Variants in WDR72 observed in about 807,000 individuals in gnomAD.
The protein encoded by WDR72 is WD repeat domain 72, also known as WD repeat-containing protein 72.
A neutral mutation model predicts 124.2 loss-of-function variants in WDR72; 120 were observed. The ratio of observed to expected loss-of-function variants is 0.97; its 90% CI spans 0.83 to 1.12. The LOEUF is 1.12. Ranked by LOEUF, WDR72 falls within the 50% of genes most tolerant of loss-of-function variation. The pLI is 0.00. For missense variants in WDR72, 1,387 were observed against 1,278.8 expected (o/e 1.08, Z -1.29); for synonymous variants, 452 against 441.7 (o/e 1.02, Z -0.29).
chr15:53,726,586 A>G (rs2018045819), intron 2 of WDR72, among the ~76,000 whole-genome samples: 1 of 152,168 alleles, frequency 6.6e-6, no homozygotes, highest in Non-Finnish European at 1.5e-5. Context: ...TCATGTTTAT[A>G]ATCCCAGCAC....
chr15:53,569,153 A>C (rs1894410478), intron 18 of WDR72, among the ~76,000 whole-genome samples: 1 of 151,970 alleles, frequency 6.6e-6, no homozygotes. Flanking sequence ...TCTGAAGACC[A>C]GTCTTCTGTG....
intron 14 of WDR72, among the ~76,000 whole-genome samples, chr15:53,655,708 T>C (rs1054341920): frequency 1.2e-5 from 1 of 86,538 alleles, no homozygotes; most frequent in Non-Finnish European, 2.4e-5. Context: ...ATTTTGTAAG[T>C]TTTTTTTTTT....
At chr15:53,654,822 T>G (rs2015360291) in intron 14 of WDR72, among the ~76,000 whole-genome samples, 1 of 152,206 alleles carries the variant, frequency 6.6e-6, no homozygotes, top group Non-Finnish European at 1.5e-5. Flanking sequence ...TGCTTCTATC[T>G]TACTAATTCC....
chr15:53,623,705 C>A (rs1003652792), intron 14 of WDR72, among the ~76,000 whole-genome samples: 2 of 152,052 alleles, frequency 1.3e-5, no homozygotes, highest in African/African-American at 2.4e-5. Flanking sequence ...TTTTTAAATT[C>A]TTTGAGAAAT....
chr15:53,523,054 T>C (rs1891885947), intron 19 of WDR72, among the ~76,000 whole-genome samples, 164 bp downstream of exon 19: 1 of 152,034 alleles, frequency 6.6e-6, no homozygotes. Context: ...GAGGAAAAGA[T>C]AACAGCTCCA....
At chr15:53,653,529 ATAGT>A (rs1334310673) in intron 14 of WDR72, among the ~76,000 whole-genome samples, 6 of 152,188 alleles carry the variant, frequency 3.9e-5, no homozygotes, top group Admixed American at 3.3e-4. Context: ...ATGAGGCCAA[ATAGT>A]TGGGGATTAA....
At chr15:53,656,359 C>T (rs1486480245) in intron 14 of WDR72, among the ~76,000 whole-genome samples, 3 of 152,046 alleles carry the variant, frequency 2.0e-5, no homozygotes, top group Admixed American at 2.0e-4. Context: ...AGAACGTTAG[C>T]TGGATGTATT....
At chr15:53,688,305 T>C (rs1338971341) in intron 13 of WDR72, among the ~76,000 whole-genome samples, 4 of 148,840 alleles carry the variant, frequency 2.7e-5, no homozygotes, top group African/African-American at 5.1e-5. Flanking sequence ...ATTGTATATC[T>C]AGAAAACCCC....
chr15:53,628,233 C>T (rs1019654675), intron 14 of WDR72, among the ~76,000 whole-genome samples: 2 of 152,080 alleles, frequency 1.3e-5, no homozygotes, highest in South Asian at 2.1e-4. Flanking sequence ...ATTACTTCTA[C>T]ATTTTAAGTA....
rs570307722 is a variant in WDR72 at position 53,666,781 on chromosome 15, C to G, written c.1766-1013G>C. 1.1e-4 allele frequency among the ~76,000 whole-genome samples: 16 copies of G among 152,172 alleles called. No homozygotes were observed. In the South Asian group the frequency reaches 3.1e-3, roughly 30 times the overall value. ...AGGCCACTATGTCTTTAGATAAAAA[C>G]ATTGGTAGATACATTTGAAGATTAT... On this transcript the variant is annotated intron_variant, in intron 13 of 19. Transcript: ENST00000360509.
chr15:53,715,280 T>G lies in WDR72; in HGVS notation c.427A>C (p.Thr143Pro), dbSNP rs2140558601. The change falls in exon 5 of 20, where the codon ACT becomes CCT. Residue 143 changes from threonine to proline, a missense_variant. By Grantham distance (38) the Thr-to-Pro change is conservative (BLOSUM62 -1). Coordinates refer to ENST00000360509, the MANE Select transcript of WDR72 (RefSeq NM_182758.4). ...CTAAAACTGTGAACAACAGCCAAAG[T>G]TTTGGCATCAATTATAAGGACATCT... The part of the protein sequence containing the change: ...YQDVLIIDAK[T>P]LAVVHSFRSS... 1 of 1,614,104 alleles carries G rather than the reference T, an allele frequency of 6.2e-7. No homozygotes were observed.
intron 13 of WDR72, among the ~76,000 whole-genome samples, chr15:53,696,007 T>G (rs2016992951): frequency 6.6e-6 from 1 of 152,162 alleles, no homozygotes; most frequent in African/African-American, 2.4e-5. Context: ...ATTAATTACT[T>G]TTGGCTTCAA....
rs1158974357 is a variant in WDR72, at chr15:53,647,615, C to A, written c.1962+17957G>T. The stretch of plus-strand genomic sequence containing the variant: ...TTACCAAATGCTTACAGTTCTCCAC[C>A]TTTTCCCAGCATACGGCTTCTGCTT... On this transcript the variant is annotated intron_variant, in intron 14 of 19. Coordinates refer to ENST00000360509, the MANE Select transcript of WDR72 (RefSeq NM_182758.4). Among the ~76,000 whole-genome samples the A allele has an allele frequency of 3.9e-5, 6 of 152,184 alleles. No individual in the cohort carries two copies. In the East Asian group the frequency reaches 1.2e-3, roughly 29 times the overall value.
chr15:53,660,156 A>T (rs1442644143), intron 14 of WDR72, among the ~76,000 whole-genome samples: 2 of 152,030 alleles, frequency 1.3e-5, no homozygotes, highest in Non-Finnish European at 2.9e-5. Flanking sequence ...GAAAATTTTC[A>T]TTCTATATGG....
At chr15:53,762,850 T>A (rs2019082797), upstream of WDR72, 2 of 152,186 alleles carry the variant, frequency 1.3e-5, no homozygotes, top group Non-Finnish European at 2.9e-5. Flanking sequence ...GCCCACAAAA[T>A]GGGGGCAGAG....
intron 1 of WDR72, among the ~76,000 whole-genome samples, chr15:53,734,256 C>T (rs1160266719): frequency 2.0e-5 from 3 of 152,050 alleles, no homozygotes; most frequent in East Asian, 3.9e-4. Flanking sequence ...TATCTAGTTC[C>T]CCATTTTCAC....
At chr15:53,535,393 CT>C (rs1310056005) in intron 18 of WDR72, among the ~76,000 whole-genome samples, 1 of 152,162 alleles carries the variant, frequency 6.6e-6, no homozygotes, top group Non-Finnish European at 1.5e-5. Context: ...GATCATCAAC[CT>C]TTGCAGAGAA....
Position 53,642,556 on chromosome 15 carries a change from T to C in WDR72, c.1962+23016A>G, listed in dbSNP as rs549259598. 4.6e-5 allele frequency among the ~76,000 whole-genome samples: 7 copies of C among 152,150 alleles called. No homozygotes were observed. In the South Asian group the frequency reaches 1.5e-3, roughly 32 times the overall value. ...TGAAGGGTGAGAGAGGTTTCTTTAT[T>C]ATCCATAAATGTCAGGTTCCTCTCT... On this transcript the variant is annotated intron_variant, in intron 14 of 19. Transcript: ENST00000360509.
chr15:53,589,685 A>C (rs1027494305), intron 18 of WDR72, among the ~76,000 whole-genome samples: 6 of 152,034 alleles, frequency 3.9e-5, no homozygotes, highest in Non-Finnish European at 8.8e-5. Flanking sequence ...GACTGTTACC[A>C]AAGAAATATT....
Sources: gnomAD v4.1 joint callset for allele counts (sites outside exome capture counted in the v4.1 genomes callset) on GRCh38, gnomAD v4.1.1 for gene constraint, MANE v1.5 for transcripts, NCBI Gene and HGNC (gene_info 2026-07-23, HGNC 2026-07-21) for gene names.